The following CFAP74 variants were observed in gnomAD, a reference collection of about 807,000 sequenced individuals.
CFAP74 encodes the protein cilia and flagella associated protein 74, also known as cilia- and flagella-associated protein 74.
CFAP74 carries 124 observed loss-of-function variants against 188.9 expected under a neutral mutation model. The ratio of observed to expected loss-of-function variants is 0.66; its 90% CI spans 0.57 to 0.76. The LOEUF (loss-of-function observed/expected upper bound fraction) is 0.76. CFAP74 is among the 30% of genes least tolerant of loss of function. The probability of loss-of-function intolerance (pLI) is 0.00; values close to 1 mark genes in which losing one functional copy is unlikely to be tolerated. For missense variants in CFAP74, 2,198 were observed against 2,165.2 expected (o/e 1.02, Z -0.30); for synonymous variants, 956 against 916.7 (o/e 1.04, Z -0.77).
chr1:1,932,954 C>A (rs1201882711), intron 25 of CFAP74, among the ~76,000 whole-genome samples: 90 of 149,906 alleles, frequency 6.0e-4, no homozygotes, highest in Non-Finnish European at 1.2e-4. Flanking sequence ...GGTGCGATCT[C>A]GGCTCACTGC....
chr1:1,922,408 G>C lies in CFAP74; in HGVS notation c.4819-20C>G. The C allele has an allele frequency of 6.3e-7, 1 of 1,596,864 alleles. No individual in the cohort carries two copies. The highest frequency in any genetic ancestry group is 1.1e-5 in the South Asian group (1 of 89,588). ...GTCTGGCTGGAACAGGAGGGGAGGG[G>C]AGAAGAGGCCTTCAGTCAGTGGGCA... On this transcript the variant is annotated intron_variant, in intron 38 of 38. Transcript: ENST00000682832.
At chr1:2,001,907 T>C (rs1163857141) in intron 1 of CFAP74, among the ~76,000 whole-genome samples, 4 of 152,190 alleles carry the variant, frequency 2.6e-5, no homozygotes, top group East Asian at 1.9e-4. Context: ...GTCAGGGTCA[T>C]GACAGCCAAA....
At chr1:1,950,507 G>C (rs1654140991) in intron 18 of CFAP74, among the ~76,000 whole-genome samples, 1 of 151,870 alleles carries the variant, frequency 6.6e-6, no homozygotes, top group Non-Finnish European at 1.5e-5. Flanking sequence ...GCCCAGCTAA[G>C]TTTTGTATTT....
chr1:1,988,709 C>T (rs1259094880), intron 3 of CFAP74, 54 bp from the exon 4 acceptor site: 20 of 1,594,360 alleles, frequency 1.3e-5, no homozygotes, highest in Non-Finnish European at 1.5e-5. Context: ...GCTCAGAACT[C>T]ATTCCTCGGT....
In CFAP74 at chr1:1,942,149, C is replaced by T; in HGVS notation, c.2494G>A (p.Ala832Thr). The T allele has an allele frequency of 6.6e-7, 1 of 1,514,352 alleles. No individual in the cohort carries two copies. Among genetic ancestry groups the T allele is most frequent in the Non-Finnish European group, 8.8e-7 (1 of 1,137,168 alleles). 93.8% of individuals were successfully genotyped at this position (1,514,352 alleles called of 1,614,324 possible). A position where few individuals can be genotyped will look rare whatever the true frequency, so the allele number is the denominator to read the frequency against. Residue 832 changes from alanine to threonine, a missense_variant, in exon 22 of 39, where the codon GCT (alanine) becomes ACT (threonine). Physicochemically the swap from Ala to Thr is moderately conservative, Grantham distance 58 (BLOSUM62 0). Transcript: ENST00000682832. The surrounding 1 kb of genome is among the most constrained non-coding windows in gnomAD (Gnocchi z 4.3). ...DSVLVHTRSK[A>T]ALRLKFEVCK... Reference sequence around the variant, plus strand: ...ACCTCGAACTTCAGGCGCAGGGCAGCTTTCGACCTGTGGGCGTGTCGCAGG... The same window carrying T: ...ACCTCGAACTTCAGGCGCAGGGCAGTTTTCGACCTGTGGGCGTGTCGCAGG...
chr1:1,953,255 G>A (rs984217868), intron 18 of CFAP74: 2 of 150,430 alleles, frequency 1.3e-5, no homozygotes, highest in Admixed American at 6.6e-5. Flanking sequence ...AAAAAGAGGC[G>A]AGAACTATAT....
At position 1,968,661 on chromosome 1, in the gene CFAP74, T is replaced by C. The variant is rs769209400; in HGVS notation, c.1219A>G (p.Thr407Ala). 6 of 1,605,054 alleles carry C rather than the reference T, an allele frequency of 3.7e-6. No homozygotes were observed. In the South Asian group the frequency reaches 5.5e-5, roughly 15 times the overall value. Residue 407 changes from threonine to alanine, a missense_variant, in exon 11 of 39, where the codon ACA becomes GCA. Physicochemically the swap from Thr to Ala is moderately conservative, Grantham distance 58. Coordinates refer to ENST00000682832, the MANE Select transcript of CFAP74 (RefSeq NM_001304360.2). The surrounding 1 kb of genome is among the most constrained non-coding windows in gnomAD (Gnocchi z 4.3). Reference sequence around the variant, plus strand: ...AGTGTGTACGTGTTGGTTGGGACTGTGGTCTTCTTGCAAAAGTCAGAAATG... The same window carrying C: ...AGTGTGTACGTGTTGGTTGGGACTGCGGTCTTCTTGCAAAAGTCAGAAATG... Reference protein sequence around the residue: ...NYISDFCKKTTVPTNTYTLDY... With the variant: ...NYISDFCKKTAVPTNTYTLDY...
Position 1,955,731 on chromosome 1 carries a change from C to T in CFAP74, c.2136G>A (p.Leu712=). 1 of 1,614,206 alleles carries T rather than the reference C, an allele frequency of 6.2e-7. No individual in the cohort carries two copies. Among genetic ancestry groups the T allele is most frequent in the Non-Finnish European group, 8.5e-7 (1 of 1,180,046 alleles). The change falls in exon 18 of 39, where the codon CTG becomes CTA. Residue 712 remains leucine (L), a synonymous_variant. Coordinates refer to ENST00000682832, the MANE Select transcript of CFAP74 (RefSeq NM_001304360.2). ...CCTCCTGCTCCTTGTCCAGCTTCTC[C>T]AGCTCCTTCCGGCTCTGCATGTCCG... ...SQADMQSRKE[L]EKLDKEQEEE...
At chr1:1,929,823 C>T (rs1652217107) in intron 26 of CFAP74, among the ~76,000 whole-genome samples, 1 of 152,012 alleles carries the variant, frequency 6.6e-6, no homozygotes, top group South Asian at 2.1e-4. Flanking sequence ...CTCTCGGGGT[C>T]AGGCTGGACC....
At chr1:1,959,015 G>C in intron 16 of CFAP74, 105 bp downstream of exon 16, 1 of 748,572 alleles carries the variant, frequency 1.3e-6, no homozygotes. Context: ...GCTTCCACCT[G>C]GTCCCCCCGC....
rs146643073 is a variant in CFAP74 at position 1,956,904 on chromosome 1, G to C, written c.1852-120C>G. The C allele has an allele frequency of 1.3e-4, 127 of 967,980 alleles. 1 individual carries two copies. The East Asian group carries it at 3.3e-3, about 25-fold the overall frequency. The allele number at this position is 967,980 out of a possible 1,614,324, so 60.0% of individuals were successfully genotyped here. A position where few individuals can be genotyped will look rare whatever the true frequency, so the allele number is the denominator to read the frequency against. On this transcript the variant is annotated intron_variant, in intron 16 of 38. Transcript: ENST00000682832. ...TGAGCATTTGTGCGCGTTGTGCACT[G>C]CACAAGCAGGTACACGATTCAACCC...
At position 1,930,128 on chromosome 1, in the gene CFAP74, C is replaced by G. The variant is rs923922480; in HGVS notation, c.3220G>C (p.Glu1074Gln). 1.3e-6 allele frequency: 2 copies of G among 1,535,392 alleles called. No homozygotes were observed. The highest frequency in any genetic ancestry group is 2.4e-5 in the East Asian group (1 of 40,918). Residue 1074 changes from glutamate to glutamine, a missense_variant, in exon 26 of 39, where the codon GAG becomes CAG. By Grantham distance (29) the Glu-to-Gln change is conservative. Coordinates refer to ENST00000682832, the MANE Select transcript of CFAP74 (RefSeq NM_001304360.2). ...DASPMGPTSFEFLLPPDSPIT... is the reference protein window; with the variant it reads ...DASPMGPTSFQFLLPPDSPIT... ...GGCGAGTCTGGGGGCAGCAGGAACT[C>G]GAAAGACGTGGGCCCCATGGGAGAG... is the stretch of plus-strand genomic sequence containing the variant.
rs996124429 is a variant in CFAP74 at position 1,942,478 on chromosome 1, C to T, written c.2487-322G>A. ...TGCCAGGCAGCCCCTGGGTGCGGGG[C>T]CCTGGAGGGGACATGAGGGGTGGAA... On this transcript the variant is annotated intron_variant, in intron 21 of 38. Transcript: ENST00000682832. This position sits in a 1 kb window ranked among gnomAD's most constrained non-coding sequence, Gnocchi z 4.3. 5.3e-5 allele frequency among the ~76,000 whole-genome samples: 8 copies of T among 152,134 alleles called. No individual in the cohort carries two copies. Among genetic ancestry groups the T allele is most frequent in the Non-Finnish European group, 1.2e-4 (8 of 67,988 alleles).
In CFAP74 at chr1:1,988,996, A is replaced by T. The variant is rs751794480; in HGVS notation, c.68-23T>A. 7.6e-4 allele frequency: 156 copies of T among 204,440 alleles called. 1 individual carries two copies. The highest frequency in any genetic ancestry group is 7.0e-4 in the Non-Finnish European group (91 of 130,736). 12.7% of individuals were successfully genotyped at this position (204,440 alleles called of 1,614,324 possible). Reference sequence around the variant, plus strand: ...TTTCTAGAAATCAAGGCAAGAGTTTAAAAAAAAAAAAAAGCAGATCAAACA... The same window carrying T: ...TTTCTAGAAATCAAGGCAAGAGTTTTAAAAAAAAAAAAAGCAGATCAAACA... On this transcript the variant is annotated intron_variant, in intron 2 of 38. Transcript: ENST00000682832.
chr1:1,951,934 A>G (rs1403421353), intron 18 of CFAP74, among the ~76,000 whole-genome samples: 1 of 152,196 alleles, frequency 6.6e-6, no homozygotes, highest in Non-Finnish European at 1.5e-5. Context: ...AGGCTGAAAG[A>G]GCATCGGTGA....
intron 9 of CFAP74, among the ~76,000 whole-genome samples, chr1:1,971,337 A>G (rs1231980900): frequency 6.6e-6 from 1 of 151,360 alleles, no homozygotes; most frequent in African/African-American, 2.4e-5. Context: ...ACACCTGCAC[A>G]CACGTGCACA....
chr1:1,948,412 A>AATATATATATAT lies in CFAP74; in HGVS notation c.2177-1370_2177-1359dup, dbSNP rs56005703. ...CATGCAGCCATGCTTGGCATATATA[A>AATATATATATAT]ATATATATATATATATTTATGTGTA... On this transcript the variant is annotated intron_variant, in intron 18 of 38. Coordinates refer to ENST00000682832, the MANE Select transcript of CFAP74 (RefSeq NM_001304360.2). Among the ~76,000 whole-genome samples the AATATATATATAT allele has an allele frequency of 4.1e-3, 587 of 144,394 alleles. 7 individuals are homozygous for AATATATATATAT. Among genetic ancestry groups the AATATATATATAT allele is most frequent in the African/African-American group, 0.015 (569 of 38,940 alleles). 94.7% of individuals were successfully genotyped at this position (144,394 alleles called of 152,430 possible). A position where few individuals can be genotyped will look rare whatever the true frequency, so the allele number is the denominator to read the frequency against.
intron 9 of CFAP74, among the ~76,000 whole-genome samples, chr1:1,971,093 A>G (rs1388178474): frequency 6.8e-6 from 1 of 146,466 alleles, no homozygotes; most frequent in African/African-American, 2.6e-5. Context: ...TCATACATGC[A>G]CACCTGCACA....
chr1:1,966,318 C>T lies in CFAP74; in HGVS notation c.1401+53G>A, dbSNP rs541531696. ...GCAGGCGTGGGAGGTGGCGAGCCGG[C>T]GACAGAGGGCCGGGGTCCGTCTGCA... On this transcript the variant is annotated intron_variant, in intron 12 of 38. Transcript: ENST00000682832. 2.1e-5 allele frequency: 30 copies of T among 1,417,736 alleles called. No homozygotes were observed. The Middle Eastern group carries it at 5.7e-4, about 27-fold the overall frequency. The allele number at this position is 1,417,736 out of a possible 1,614,324, so 87.8% of individuals were successfully genotyped here.
Sources: gnomAD v4.1 joint callset for allele counts (sites outside exome capture counted in the v4.1 genomes callset) on GRCh38, gnomAD v4.1.1 for gene constraint, Gnocchi (gnomAD v3.1) non-coding constraint, MANE v1.5 for transcripts, NCBI Gene and HGNC (gene_info 2026-07-23, HGNC 2026-07-21) for gene names.